ELOVL5: variants seen among roughly 807,000 people sequenced by gnomAD.
ELOVL5 encodes very long chain fatty acid elongase 5.
Under a neutral mutation model 38.6 loss-of-function variants are expected in ELOVL5, and 8 were observed. That is an observed-to-expected ratio of 0.21 (90% CI 0.12 to 0.37). ELOVL5 has a LOEUF of 0.37. Ranked by LOEUF, ELOVL5 falls within the 10% of genes least tolerant of loss-of-function variation. The pLI is 1.00. For synonymous variants in ELOVL5, 127 were observed against 133.7 expected, an observed-to-expected ratio of 0.95 and a Z score of 0.34; for missense variants, 280 against 367.8, an observed-to-expected ratio of 0.76 and a Z score of 1.95.
rs77332447 is a variant in ELOVL5 at position 53,298,632 on chromosome 6, T to C, written c.-8-2925A>G. On this transcript the variant is annotated intron_variant, in intron 1 of 7. Transcript: ENST00000304434. ...TGTCTGGCATGTAGGAAGCCCCCAA[T>C]AGATGTTTCTGAATGTATGTCTGCC... Among the ~76,000 whole-genome samples the C allele has an allele frequency of 2.9e-3, 440 of 152,220 alleles. 3 individuals are homozygous for C. The highest frequency in any genetic ancestry group is 1.0e-2 in the African/African-American group (414 of 41,528).
chr6:53,285,770 T>C (rs757262865), intron 3 of ELOVL5, among the ~76,000 whole-genome samples: 2 of 151,918 alleles, frequency 1.3e-5, no homozygotes, highest in Non-Finnish European at 2.9e-5. Flanking sequence ...CATGCCAGGC[T>C]AGTTATAAAA....
intron 1 of ELOVL5, among the ~76,000 whole-genome samples, chr6:53,296,324 C>T (rs1173298719): frequency 1.3e-5 from 2 of 152,154 alleles, no homozygotes; most frequent in Non-Finnish European, 2.9e-5. Flanking sequence ...GAGATTTCTC[C>T]TCTTTTGAGC....
chr6:53,305,061 C>A (rs559230438), intron 1 of ELOVL5, among the ~76,000 whole-genome samples: 6 of 149,534 alleles, frequency 4.0e-5, no homozygotes, highest in Non-Finnish European at 7.4e-5. Flanking sequence ...GGGGCTGACC[C>A]CCCCCACCTC....
chr6:53,301,325 T>C (rs1767240239), intron 1 of ELOVL5, among the ~76,000 whole-genome samples: 1 of 152,164 alleles, frequency 6.6e-6, no homozygotes, highest in African/African-American at 2.4e-5. Context: ...GGAACACAGC[T>C]GCTCTGTACA....
intron 1 of ELOVL5, among the ~76,000 whole-genome samples, chr6:53,312,106 C>T (rs1245088655): frequency 6.6e-6 from 1 of 152,066 alleles, no homozygotes; most frequent in Non-Finnish European, 1.5e-5. Flanking sequence ...TAGATGAAAC[C>T]TTCCGTAACC....
At position 53,304,148 on chromosome 6, in the gene ELOVL5, T is replaced by C. The variant is rs1381610805; in HGVS notation, c.-8-8441A>G. ...GTCCTATGAGTATAATAATTATCTA[T>C]TGGTGATACTATAAATGAGGAGATA... On this transcript the variant is annotated intron_variant, in intron 1 of 7. Coordinates refer to ENST00000304434, the MANE Select transcript of ELOVL5 (RefSeq NM_021814.5). Among the ~76,000 whole-genome samples, 6 of 152,232 alleles carry C rather than the reference T, an allele frequency of 3.9e-5. No individual in the cohort carries two copies. In the East Asian group the frequency reaches 5.8e-4, roughly 15 times the overall value.
chr6:53,312,831 G>A (rs895563970), intron 1 of ELOVL5, among the ~76,000 whole-genome samples: 1 of 152,136 alleles, frequency 6.6e-6, no homozygotes, highest in East Asian at 1.9e-4. Flanking sequence ...AATCACATGT[G>A]GTGGTGACTT....
chr6:53,284,503 T>TA (rs2127571510), intron 3 of ELOVL5, among the ~76,000 whole-genome samples: 1 of 152,014 alleles, frequency 6.6e-6, no homozygotes, highest in South Asian at 2.1e-4. Context: ...AACTTTTGAA[T>TA]AAGTACAATA....
chr6:53,275,405 G>A, intron 4 of ELOVL5, 144 bp from the exon 5 acceptor site: 1 of 745,902 alleles, frequency 1.3e-6, no homozygotes, highest in South Asian at 1.8e-5. Context: ...GTCCATCAGT[G>A]GCTGGGAGCT....
intron 2 of ELOVL5, 41 bp downstream of exon 2, chr6:53,295,601 G>A (rs1185883391): frequency 7.2e-7 from 1 of 1,379,514 alleles, no homozygotes. Context: ...TAGGCAGGGA[G>A]TGATGCTGCA....
At chr6:53,284,632 C>A (rs1766494607) in intron 3 of ELOVL5, among the ~76,000 whole-genome samples, 1 of 152,148 alleles carries the variant, frequency 6.6e-6, no homozygotes, top group South Asian at 2.1e-4. Flanking sequence ...TGCTTTATTG[C>A]ACTTTGTATA....
intron 1 of ELOVL5, among the ~76,000 whole-genome samples, chr6:53,320,504 T>C (rs919174871): frequency 6.6e-6 from 1 of 151,782 alleles, no homozygotes; most frequent in African/African-American, 2.4e-5. Flanking sequence ...CCTGGCTAAT[T>C]TTTTGTATTT....
chr6:53,320,846 G>T (rs1263891498), intron 1 of ELOVL5, among the ~76,000 whole-genome samples: 1 of 151,960 alleles, frequency 6.6e-6, no homozygotes, highest in Non-Finnish European at 1.5e-5. Flanking sequence ...CTTAGAAACC[G>T]GCTTATTATC....
intron 1 of ELOVL5, among the ~76,000 whole-genome samples, chr6:53,333,866 G>C (rs1011744738): frequency 1.4e-5 from 2 of 146,506 alleles, no homozygotes; most frequent in Non-Finnish European, 3.0e-5. Context: ...TTTTTCACCT[G>C]TAAGCTCAAA....
At chr6:53,281,309 C>T (rs1051145148) in intron 3 of ELOVL5, among the ~76,000 whole-genome samples, 2 of 152,194 alleles carry the variant, frequency 1.3e-5, no homozygotes, top group Non-Finnish European at 1.5e-5. Flanking sequence ...TCCAAGAATA[C>T]GTAGGGTTGA....
intron 2 of ELOVL5, chr6:53,294,060 A>G: frequency 7.7e-7 from 1 of 1,305,024 alleles, no homozygotes; most frequent in Non-Finnish European, 9.9e-7. Flanking sequence ...TATATATCAC[A>G]AACAATAAAT....
intron 1 of ELOVL5, among the ~76,000 whole-genome samples, chr6:53,310,410 G>C (rs894559798): frequency 2.1e-5 from 3 of 144,934 alleles, no homozygotes; most frequent in African/African-American, 8.0e-5. Context: ...CTTAGGGTAG[G>C]CAACTGTTCT....
chr6:53,292,122 A>G (rs575867497), intron 2 of ELOVL5, among the ~76,000 whole-genome samples, 159 bp from the exon 3 acceptor site: 1 of 152,342 alleles, frequency 6.6e-6, no homozygotes, highest in Admixed American at 6.5e-5. Context: ...TTCAATACAT[A>G]TCAAACAAGG....
In ELOVL5 at chr6:53,270,741, G is replaced by C. The variant is rs911034986; in HGVS notation, c.622-14C>G. ...CACAAACTGAAGCTAGGGGAACAGA[G>C]GGGATGCAGCTGAACAGGGACAGTG... is the stretch of plus-strand genomic sequence containing the variant. On this transcript the variant is annotated splice_polypyrimidine_tract_variant and intron_variant, in intron 6 of 7. Transcript: ENST00000304434. The C allele has an allele frequency of 6.2e-7, 1 of 1,613,968 alleles. No homozygotes were observed. The highest frequency in any genetic ancestry group is 1.3e-5 in the African/African-American group (1 of 74,918).
Sources: gnomAD v4.1 joint callset for allele counts (sites outside exome capture counted in the v4.1 genomes callset) on GRCh38, gnomAD v4.1.1 for gene constraint, MANE v1.5 for transcripts, NCBI Gene and HGNC (gene_info 2026-07-23, HGNC 2026-07-21) for gene names.